The following CCDC180 variants were observed in gnomAD, a reference collection of about 807,000 sequenced individuals.
The protein encoded by CCDC180 is coiled-coil domain-containing protein 180.
Under a neutral mutation model 209.2 loss-of-function variants are expected in CCDC180, and 154 were observed. That is an observed-to-expected ratio of 0.74 (90% CI 0.65 to 0.84). CCDC180 has a LOEUF of 0.84. CCDC180 is among the 40% of genes least tolerant of loss of function. The pLI is 0.00. For synonymous variants in CCDC180, 778 were observed against 749.1 expected, an observed-to-expected ratio of 1.04 and a Z score of -0.63; for missense variants, 1,874 against 1,997.3, an observed-to-expected ratio of 0.94 and a Z score of 1.18.
chr9:97,370,400 C>T (rs1294406792), intron 32 of CCDC180, among the ~76,000 whole-genome samples: 2 of 152,144 alleles, frequency 1.3e-5, no homozygotes, highest in Non-Finnish European at 2.9e-5. Flanking sequence ...CTGCTGATTT[C>T]ACTGGACTAA....
At chr9:97,341,970 A>T (rs1826096006) in intron 18 of CCDC180, among the ~76,000 whole-genome samples, 1 of 152,190 alleles carries the variant, frequency 6.6e-6, no homozygotes, top group African/African-American at 2.4e-5. Context: ...TGGGCATGGG[A>T]CCTGCTGAGC....
chr9:97,359,519 G>A (rs1306584022), intron 25 of CCDC180, among the ~76,000 whole-genome samples: 2 of 152,152 alleles, frequency 1.3e-5, no homozygotes, highest in African/African-American at 2.4e-5. Flanking sequence ...GTGCTGCTCC[G>A]AGAGGGTGCG....
intron 36 of CCDC180, chr9:97,375,870 G>GC: frequency 2.3e-6 from 1 of 435,160 alleles, no homozygotes; most frequent in South Asian, 3.8e-5. Flanking sequence ...AGGCACAGTA[G>GC]TGTCACAGCT....
intron 11 of CCDC180, among the ~76,000 whole-genome samples, chr9:97,321,062 A>G (rs1833342265): frequency 6.6e-6 from 1 of 152,192 alleles, no homozygotes; most frequent in Admixed American, 6.5e-5. Flanking sequence ...GCTCCCAGTC[A>G]GCCCCCCAAG....
chr9:97,307,633 A>T, upstream of CCDC180: 3 of 1,087,392 alleles, frequency 2.8e-6, no homozygotes, highest in Non-Finnish European at 4.2e-6. Context: ...GCGCCGCATT[A>T]GAGTTCCAGT....
At position 97,357,639 on chromosome 9, in the gene CCDC180, A is replaced by T. The variant is rs1453228144; in HGVS notation, c.3277A>T (p.Asn1093Tyr). Residue 1093 changes from asparagine to tyrosine, a missense_variant, in exon 25 of 37, where the codon AAT (asparagine) becomes TAT (tyrosine). Asn to Tyr is a moderately radical substitution (Grantham distance 143). Transcript: ENST00000529487. Reference sequence around the variant, plus strand: ...TCTGGTTTTCTAGGTGGCAAAATCCAATTCGCAAACAAATGGATTAAATTT... The same window carrying T: ...TCTGGTTTTCTAGGTGGCAAAATCCTATTCGCAAACAAATGGATTAAATTT... ...VKIKCQVAKS[N>Y]SQTNGLNFSL... 5.6e-6 allele frequency: 9 copies of T among 1,612,284 alleles called. No individual in the cohort carries two copies. The South Asian group carries it at 7.7e-5, about 14-fold the overall frequency.
In CCDC180 at chr9:97,318,522, T is replaced by C. The variant is rs762903943; in HGVS notation, c.1019T>C (p.Val340Ala). The change falls in exon 10 of 37, where the codon GTC (valine) becomes GCC (alanine). Residue 340 changes from valine (V) to alanine (A), a missense_variant. Transcript: ENST00000529487. ...CCGGCTGTGACGAAGGAGCTAGAGGTCATGCTGAAGACCCAGAACGTCCTG... is the reference window on the plus strand; with the variant it reads ...CCGGCTGTGACGAAGGAGCTAGAGGCCATGCTGAAGACCCAGAACGTCCTG... Reference protein sequence around the residue: ...TPPAVTKELEVMLKTQNVLQQ... With the variant: ...TPPAVTKELEAMLKTQNVLQQ... 1 of 1,613,316 alleles carries C rather than the reference T, an allele frequency of 6.2e-7. No individual in the cohort carries two copies. Among genetic ancestry groups the C allele is most frequent in the Non-Finnish European group, 8.5e-7 (1 of 1,179,850 alleles).
At chr9:97,322,694 C>A in intron 11 of CCDC180, 139 bp from the exon 12 acceptor site, 1 of 701,970 alleles carries the variant, frequency 1.4e-6, no homozygotes, top group East Asian at 2.7e-5. Context: ...ACCCCAGCCC[C>A]TGATCTCAAT....
chr9:97,362,179 C>CT lies in CCDC180; in HGVS notation c.3657-14dup, dbSNP rs764260322. ...TGGTCACCGGAGAAGAGCTCACACCCTTTCCTTTGGTTTCAGACTTCCCAA... is the reference window on the plus strand; with the variant it reads ...TGGTCACCGGAGAAGAGCTCACACCCTTTTCCTTTGGTTTCAGACTTCCCAA... On this transcript the variant is annotated splice_polypyrimidine_tract_variant and intron_variant, in intron 27 of 36. Transcript: ENST00000529487. 1.4e-4 allele frequency: 229 copies of CT among 1,606,402 alleles called. 3 individuals are homozygous for CT. Among genetic ancestry groups the CT allele is most frequent in the Non-Finnish European group, 2.9e-5 (34 of 1,174,816 alleles).
At position 97,314,919 on chromosome 9, in the gene CCDC180, G is replaced by T. The variant is rs1021538682; in HGVS notation, c.768G>T (p.Val256=). ...EKTSYLMRPE[V]YRLINEEAMV... is the part of the protein sequence containing the mutation. Reference sequence around the variant, plus strand: ...CTTCCTACCTCATGCGGCCCGAAGTGTACAGGCTGATAAATGAAGAAGCCA... The same window carrying T: ...CTTCCTACCTCATGCGGCCCGAAGTTTACAGGCTGATAAATGAAGAAGCCA... Residue 256 remains valine, a synonymous_variant, in exon 8 of 37, where the codon GTG becomes GTT. Coordinates refer to ENST00000529487, the MANE Select transcript of CCDC180 (RefSeq NM_020893.6). The T allele has an allele frequency of 2.5e-6, 4 of 1,613,906 alleles. No homozygotes were observed. The Admixed American group carries it at 6.7e-5, about 27-fold the overall frequency.
chr9:97,324,208 C>T (rs905754182), intron 13 of CCDC180, among the ~76,000 whole-genome samples: 2 of 152,152 alleles, frequency 1.3e-5, no homozygotes, highest in East Asian at 1.9e-4. Context: ...GCCCAAGACA[C>T]GTGTTATCTT....
chr9:97,338,806 G>C (rs144085314), intron 18 of CCDC180, among the ~76,000 whole-genome samples: 67 of 152,204 alleles, frequency 4.4e-4, no homozygotes, highest in African/African-American at 1.5e-3. Flanking sequence ...TCTCTTTGTA[G>C]GTCTCTCAGG....
Position 97,320,311 on chromosome 9 carries a change from G to A in CCDC180, c.1159+106G>A, listed in dbSNP as rs943463955. The A allele has an allele frequency of 3.8e-6, 4 of 1,057,892 alleles. No homozygotes were observed. The African/African-American group carries it at 6.2e-5, about 16-fold the overall frequency. 65.5% of individuals were successfully genotyped at this position (1,057,892 alleles called of 1,614,324 possible). A position where few individuals can be genotyped will look rare whatever the true frequency, so the allele number is the denominator to read the frequency against. Reference sequence around the variant, plus strand: ...GTGGCGCCGCCATCATGGGGAGGAGGGATGGGGGTGTGGCAGGAAAAGTGA... The same window carrying A: ...GTGGCGCCGCCATCATGGGGAGGAGAGATGGGGGTGTGGCAGGAAAAGTGA... On this transcript the variant is annotated intron_variant, in intron 11 of 36. Transcript: ENST00000529487.
rs141251310 is a variant in CCDC180 at position 97,347,111 on chromosome 9, A to G, written c.2499-203A>G. Among the ~76,000 whole-genome samples, 5 of 152,356 alleles carry G rather than the reference A, an allele frequency of 3.3e-5. No individual in the cohort carries two copies. The East Asian group carries it at 5.8e-4, about 18-fold the overall frequency. ...TCAAGGTCATTTATCCAAAGAAACA[A>G]TTCTACATCTGACATACATAATGTC... On this transcript the variant is annotated intron_variant, in intron 19 of 36. Transcript: ENST00000529487.
chr9:97,355,318 C>T (rs906627572), intron 24 of CCDC180, among the ~76,000 whole-genome samples: 2 of 152,024 alleles, frequency 1.3e-5, no homozygotes, highest in Non-Finnish European at 2.9e-5. Context: ...CCATGCCCAG[C>T]CAATTTTTTC....
chr9:97,322,790 C>A (rs1438172248), intron 11 of CCDC180, 43 bp from the exon 12 acceptor site: 3 of 1,567,372 alleles, frequency 1.9e-6, no homozygotes, highest in Non-Finnish European at 2.6e-6. Flanking sequence ...TTCTAATCTT[C>A]TCTTCCTTCT....
chr9:97,318,446 A>G lies in CCDC180; in HGVS notation c.960-17A>G, dbSNP rs753637752. 3 of 1,612,602 alleles carry G rather than the reference A, an allele frequency of 1.9e-6. No homozygotes were observed. The highest frequency in any genetic ancestry group is 2.7e-5 in the African/African-American group (2 of 74,856). ...TCCTCCTCTCCCCTTTATGGTGCCA[A>G]CATGTCTGGCCACCAGTGAGTTCAT... On this transcript the variant is annotated splice_polypyrimidine_tract_variant and intron_variant, in intron 9 of 36. Transcript: ENST00000529487.
chr9:97,330,744 C>A lies in CCDC180; in HGVS notation c.2251C>A (p.Gln751Lys). Residue 751 changes from glutamine (Q) to lysine (K), a missense_variant, in exon 18 of 37, where the codon CAA (glutamine) becomes AAA (lysine). By Grantham distance (53) the Gln-to-Lys change is moderately conservative (BLOSUM62 1). Transcript: ENST00000529487. ...EKEEKEAQEE[Q>K]ESLSVGEEED... Reference sequence around the variant, plus strand: ...GGAGGAGAAGGAGGCACAGGAAGAGCAAGAGAGTTTATCTGTGGGTGAGGT... The same window carrying A: ...GGAGGAGAAGGAGGCACAGGAAGAGAAAGAGAGTTTATCTGTGGGTGAGGT... The A allele has an allele frequency of 1.9e-6, 3 of 1,600,764 alleles. No individual in the cohort carries two copies. Among genetic ancestry groups the A allele is most frequent in the Non-Finnish European group, 1.7e-6 (2 of 1,178,994 alleles).
chr9:97,307,687 A>G lies in CCDC180; in HGVS notation c.-201A>G, dbSNP rs1421524804. ...CGCCGTTAACTTTTCCCCGAAGAGC[A>G]TGGCAGAGTGAAGCACAAGCAATAA... On this transcript the variant is annotated 5_prime_UTR_variant, in exon 1 of 37. It removes an upstream start codon present in the reference 5' UTR. Coordinates refer to ENST00000529487, the MANE Select transcript of CCDC180 (RefSeq NM_020893.6). The G allele has an allele frequency of 3.2e-6, 5 of 1,571,984 alleles. No homozygotes were observed. Among genetic ancestry groups the G allele is most frequent in the East Asian group, 2.2e-5 (1 of 44,594 alleles).
Sources: gnomAD v4.1 joint callset for allele counts (sites outside exome capture counted in the v4.1 genomes callset) on GRCh38, gnomAD v4.1.1 for gene constraint, MANE v1.5 for transcripts, NCBI Gene and HGNC (gene_info 2026-07-23, HGNC 2026-07-21) for gene names.